NCK2: variants seen among roughly 807,000 people sequenced by gnomAD.
The protein encoded by NCK2 is NCK adaptor protein 2.
In NCK2, 16 loss-of-function variants were observed where a neutral mutation model predicts 33.9. The ratio of observed to expected loss-of-function variants is 0.47; its 90% CI spans 0.32 to 0.72. NCK2 has a LOEUF of 0.72. NCK2 is among the 30% of genes least tolerant of loss of function. The pLI, the probability that NCK2 is intolerant of heterozygous loss-of-function variation, is 0.03. For missense variants in NCK2, 418 were observed against 537.3 expected, an observed-to-expected ratio of 0.78 and a Z score of 2.19; for synonymous variants, 273 against 239.9, an observed-to-expected ratio of 1.14 and a Z score of -1.27.
At chr2:105,745,421 C>A (rs563491039) in intron 1 of NCK2, among the ~76,000 whole-genome samples, 211 of 151,940 alleles carry the variant, frequency 1.4e-3, no homozygotes, top group South Asian at 5.0e-3. Context: ...GCCAAGGGCG[C>A]GGGCGAGGAT....
chr2:105,858,527 C>T (rs546766087), intron 3 of NCK2, among the ~76,000 whole-genome samples: 42 of 152,290 alleles, frequency 2.8e-4, no homozygotes, highest in South Asian at 2.5e-3. Context: ...ATTTTTACTG[C>T]TTTGGGAGTC....
intron 2 of NCK2, among the ~76,000 whole-genome samples, chr2:105,835,405 A>ATATATATATATATATATATATGTG (rs70953537): frequency 2.1e-4 from 8 of 37,962 alleles, no homozygotes; most frequent in South Asian, 1.3e-3. Flanking sequence ...ATATATATAT[A>ATATATATATATATATATATATGTG]CGTGTATATA....
At position 105,776,160 on chromosome 2, in the gene NCK2, C is replaced by T. The variant is rs570702889; in HGVS notation, c.-201+31022C>T. On this transcript the variant is annotated intron_variant, in intron 1 of 4. Coordinates refer to ENST00000233154, the MANE Select transcript of NCK2 (RefSeq NM_003581.5). ...GGGACCTCCCCTAGGAATCTCAGTGCTCTGCCCTGCCATTCGCTCCCACTT... is the reference window on the plus strand; with the variant it reads ...GGGACCTCCCCTAGGAATCTCAGTGTTCTGCCCTGCCATTCGCTCCCACTT... 2.6e-5 allele frequency among the ~76,000 whole-genome samples: 4 copies of T among 152,274 alleles called. No homozygotes were observed. The South Asian group carries it at 8.3e-4, about 32-fold the overall frequency.
rs368417738 is a variant in NCK2 at position 105,882,035 on chromosome 2, G to C, written c.934G>C (p.Asp312His). 1.3e-6 allele frequency: 2 copies of C among 1,500,416 alleles called. No homozygotes were observed. The highest frequency in any genetic ancestry group is 1.8e-6 in the Non-Finnish European group (2 of 1,124,226). 92.9% of individuals were successfully genotyped at this position (1,500,416 alleles called of 1,614,324 possible). A position where few individuals can be genotyped will look rare whatever the true frequency, so the allele number is the denominator to read the frequency against. The change falls in exon 4 of 5, where the codon GAC becomes CAC. Residue 312 changes from aspartate (D) to histidine (H), a missense_variant. Transcript: ENST00000233154. ...RGVEGDFLIRDSESSPSDFSV... is the reference protein window; with the variant it reads ...RGVEGDFLIRHSESSPSDFSV... ...CGTGGAGGGCGACTTCCTCATTAGG[G>C]ACAGCGAGTCCTCGGTAAGTGCGCT...
intron 3 of NCK2, among the ~76,000 whole-genome samples, chr2:105,872,193 C>T (rs1353779998): frequency 6.6e-6 from 1 of 152,238 alleles, no homozygotes; most frequent in Non-Finnish European, 1.5e-5. Context: ...GAGCTCTATG[C>T]TCCTGCCCTG....
rs143871157 is a variant in NCK2 at position 105,840,309 on chromosome 2, C to T, written c.-16-14739C>T. 1.4e-3 allele frequency among the ~76,000 whole-genome samples: 218 copies of T among 152,276 alleles called. 1 individual carries two copies. The highest frequency in any genetic ancestry group is 4.4e-3 in the African/African-American group (182 of 41,554). On this transcript the variant is annotated intron_variant, in intron 2 of 4. Coordinates refer to ENST00000233154, the MANE Select transcript of NCK2 (RefSeq NM_003581.5). ...GCCTCAGAGAGGCACCCAGACAGCT[C>T]ACCCCTGTAACACGTGGGACACATG...
At chr2:105,767,108 C>A (rs1171524002) in intron 1 of NCK2, among the ~76,000 whole-genome samples, 1 of 152,198 alleles carries the variant, frequency 6.6e-6, no homozygotes, top group Admixed American at 6.5e-5. Context: ...GCCTGCTTAT[C>A]TCTCTGGAGC....
chr2:105,869,172 G>A (rs537315152), intron 3 of NCK2, among the ~76,000 whole-genome samples: 6 of 152,254 alleles, frequency 3.9e-5, no homozygotes, highest in East Asian at 3.9e-4. Context: ...CCTGAGAGCC[G>A]AAGTGAGCTG....
Position 105,893,306 on chromosome 2 carries a change from G to C in NCK2, c.*130G>C, listed in dbSNP as rs916261347. 1 of 953,286 alleles carries C rather than the reference G, an allele frequency of 1.0e-6. No homozygotes were observed. The highest frequency in any genetic ancestry group is 1.7e-5 in the African/African-American group (1 of 60,492). 59.1% of individuals were successfully genotyped at this position (953,286 alleles called of 1,614,324 possible). A position where few individuals can be genotyped will look rare whatever the true frequency, so the allele number is the denominator to read the frequency against. On this transcript the variant is annotated 3_prime_UTR_variant, in exon 5 of 5. Coordinates refer to ENST00000233154, the MANE Select transcript of NCK2 (RefSeq NM_003581.5). Reference sequence around the variant, plus strand: ...GCGAGTCTCTCTTTATGTTCAGGTCGCTTGGTCGGTTCGTCTCCCATTTGC... The same window carrying C: ...GCGAGTCTCTCTTTATGTTCAGGTCCCTTGGTCGGTTCGTCTCCCATTTGC...
chr2:105,863,739 A>T (rs570477216), intron 3 of NCK2, among the ~76,000 whole-genome samples: 1 of 152,164 alleles, frequency 6.6e-6, no homozygotes, highest in Non-Finnish European at 1.5e-5. Flanking sequence ...AGCATGTAGC[A>T]TTGTGGGCAG....
At chr2:105,745,445 C>T (rs1689249184) in intron 1 of NCK2, among the ~76,000 whole-genome samples, 1 of 151,902 alleles carries the variant, frequency 6.6e-6, no homozygotes, top group Non-Finnish European at 1.5e-5. Context: ...GGCAGGGGGC[C>T]CGGCTGCGGG....
chr2:105,748,593 T>C (rs985042298), intron 1 of NCK2, among the ~76,000 whole-genome samples: 4 of 151,986 alleles, frequency 2.6e-5, no homozygotes, highest in Non-Finnish European at 5.9e-5. Context: ...TTTTTATTTT[T>C]ATTTTGTAGA....
At chr2:105,789,398 G>A (rs1334482619) in intron 1 of NCK2, among the ~76,000 whole-genome samples, 1 of 152,126 alleles carries the variant, frequency 6.6e-6, no homozygotes, top group East Asian at 1.9e-4. Flanking sequence ...ATGTTGGCCA[G>A]GCTGGTCTCC....
rs182349051 is a variant in NCK2, at chr2:105,804,066, A to G, written c.-200-12364A>G. On this transcript the variant is annotated intron_variant, in intron 1 of 4. Transcript: ENST00000233154. ...AGTTAGGTTTTGGCTTTGCTTGCCC[A>G]TTTTTTACGGGGCAAATTATATACA... Among the ~76,000 whole-genome samples the G allele has an allele frequency of 9.2e-5, 14 of 152,088 alleles. No individual in the cohort carries two copies. The East Asian group carries it at 2.5e-3, about 27-fold the overall frequency.
At chr2:105,892,747 G>A (rs12999097) in intron 4 of NCK2, among the ~76,000 whole-genome samples, 33,521 of 151,756 alleles carry the variant, frequency 0.22, 4,114 homozygotes, top group Admixed American at 0.33. Flanking sequence ...TCGGGAGGCC[G>A]AGACAGGAGA....
At chr2:105,886,787 CCA>C (rs1457171915) in intron 4 of NCK2, among the ~76,000 whole-genome samples, 1 of 152,204 alleles carries the variant, frequency 6.6e-6, no homozygotes, top group Non-Finnish European at 1.5e-5. Flanking sequence ...GGAGGGCTAA[CCA>C]CACACATGCA....
intron 2 of NCK2, among the ~76,000 whole-genome samples, chr2:105,839,811 G>A (rs1030106234): frequency 8.5e-5 from 13 of 152,278 alleles, no homozygotes; most frequent in South Asian, 2.1e-4. Context: ...GCTCCTAGAC[G>A]GCCTGGCTAC....
At chr2:105,791,411 G>A (rs957669301) in intron 1 of NCK2, among the ~76,000 whole-genome samples, 28 of 151,228 alleles carry the variant, frequency 1.9e-4, no homozygotes, top group African/African-American at 6.8e-4. Context: ...TTCACGATGG[G>A]AGGATATACG....
At chr2:105,826,167 G>T (rs1286375043) in intron 2 of NCK2, among the ~76,000 whole-genome samples, 2 of 152,188 alleles carry the variant, frequency 1.3e-5, no homozygotes, top group Non-Finnish European at 2.9e-5. Flanking sequence ...AGAAGATGAA[G>T]GGGAAGCAAG....
Sources: gnomAD v4.1 joint callset for allele counts (sites outside exome capture counted in the v4.1 genomes callset) on GRCh38, gnomAD v4.1.1 for gene constraint, MANE v1.5 for transcripts, NCBI Gene and HGNC (gene_info 2026-07-23, HGNC 2026-07-21) for gene names.